The following GPRASP2 variants were observed in gnomAD, a reference collection of about 807,000 sequenced individuals.
The protein encoded by GPRASP2 is G protein-coupled receptor associated sorting protein 2.
GPRASP2 carries 10 observed loss-of-function variants against 36.0 expected under a neutral mutation model. That is an observed-to-expected ratio of 0.28 (90% confidence interval 0.17 to 0.47). The LOEUF is 0.47. Among genes scored for constraint, GPRASP2 ranks in the 20% least tolerant of loss-of-function variants. The pLI, the probability that GPRASP2 is intolerant of heterozygous loss-of-function variation, is 0.99. For synonymous variants in GPRASP2, 219 were observed against 230.5 expected (o/e 0.95, Z 0.45); for missense variants, 538 against 626.7 (o/e 0.86, Z 1.51).
At position 102,715,891 on chromosome X, in the gene GPRASP2, T is replaced by C. The variant is rs770189042; in HGVS notation, c.1022T>C (p.Leu341Ser). 6 of 1,210,228 alleles carry C rather than the reference T, an allele frequency of 5.0e-6. No individual in the cohort carries two copies. In the Admixed American group the frequency reaches 8.7e-5, roughly 18 times the overall value. The change falls in exon 5 of 5, where the codon TTG becomes TCG. Residue 341 changes from leucine (L) to serine (S), a missense_variant. By Grantham distance (145) the Leu-to-Ser change is moderately radical. This residue lies in a region of GPRASP2 where 276 missense variants were observed against 275.0 expected (regional missense o/e 1.00). Transcript: ENST00000483720. ...EDEFYKQSWV[L>S]PGEEANSRFR... ...GAGTTCTATAAGCAGTCCTGGGTTT[T>C]GCCTGGAGAAGAGGCCAATAGTAGA...
chrX:102,715,715 T>C lies in GPRASP2; in HGVS notation c.846T>C (p.Ser282=). Residue 282 remains serine (S), a synonymous_variant, in exon 5 of 5, where the codon TCT becomes TCC. Transcript: ENST00000483720. ...AAGAAGCCTATGTTGATTCCTGGTCTGGATCTGAGGATGAGGCCAGCAACC... is the reference window on the plus strand; with the variant it reads ...AAGAAGCCTATGTTGATTCCTGGTCCGGATCTGAGGATGAGGCCAGCAACC... ...SKQEAYVDSW[S]GSEDEASNPF... is the part of the protein sequence containing the mutation. The C allele has an allele frequency of 8.3e-7, 1 of 1,212,092 alleles. No homozygotes were observed. Among genetic ancestry groups the C allele is most frequent in the Non-Finnish European group, 1.1e-6 (1 of 895,621 alleles).
rs1383973927 is a variant in GPRASP2, at chrX:102,717,335, A to G, written c.2466A>G (p.Leu822=). The G allele has an allele frequency of 9.2e-7, 1 of 1,092,801 alleles. No individual in the cohort carries two copies. The highest frequency in any genetic ancestry group is 1.2e-6 in the Non-Finnish European group (1 of 837,456). The allele number at this position is 1,092,801 out of a possible 1,213,427, so 90.1% of individuals were successfully genotyped here. The part of the protein sequence containing the change: ...FREFEELAKQ[L]QAQIDNQNDP... ...AATTTGAGGAGTTAGCTAAGCAACT[A>G]CAAGCCCAAATAGACAACCAAAATG... Residue 822 remains leucine (L), a synonymous_variant, in exon 5 of 5, where the codon CTA becomes CTG. Transcript: ENST00000483720.
In GPRASP2 at chrX:102,714,897, G is replaced by T. The variant is rs369702120; in HGVS notation, c.28G>T (p.Ala10Ser). 1 of 1,210,635 alleles carries T rather than the reference G, an allele frequency of 8.3e-7. No homozygotes were observed. The highest frequency in any genetic ancestry group is 1.1e-6 in the Non-Finnish European group (1 of 895,259). The change falls in exon 5 of 5, where the codon GCC (alanine) becomes TCC (serine). Residue 10 changes from alanine (A) to serine (S), a missense_variant. Ala to Ser is a moderately conservative substitution (Grantham distance 99, BLOSUM62 1). Around this residue, in one of 2 missense-constraint regions of GPRASP2, gnomAD observed 276 missense variants for 275.0 expected, o/e 1.00. Coordinates refer to ENST00000483720, the MANE Select transcript of GPRASP2 (RefSeq NM_001004051.4). ...GACTGGGGCAGAGATTGAGCCTAGT[G>T]CCCAGGCCAAGCCTGAAAAGAAGGC... is the stretch of plus-strand genomic sequence containing the variant. MTGAEIEPSAQAKPEKKAGE... is the reference protein window; with the variant it reads MTGAEIEPSSQAKPEKKAGE...
Position 102,717,522 on chromosome X carries a change from T to A in GPRASP2, c.*136T>A. 1 of 885,518 alleles carries A rather than the reference T, an allele frequency of 1.1e-6. No individual in the cohort carries two copies. Among genetic ancestry groups the A allele is most frequent in the East Asian group, 4.1e-5 (1 of 24,217 alleles). 73.0% of individuals were successfully genotyped at this position (885,518 alleles called of 1,213,427 possible). A position where few individuals can be genotyped will look rare whatever the true frequency, so the allele number is the denominator to read the frequency against. On this transcript the variant is annotated 3_prime_UTR_variant, in exon 5 of 5. Coordinates refer to ENST00000483720, the MANE Select transcript of GPRASP2 (RefSeq NM_001004051.4). ...TGTTAACTTTGTCAAACTCTTGTTT[T>A]GAGCTGGATCATTTTGTGGATGCCA...
chrX:102,715,266 G>A lies in GPRASP2; in HGVS notation c.397G>A (p.Glu133Lys). ...KDEAQAWAQS[E>K]FGTEAVSQAE... ...TGAGGCCCAGGCATGGGCCCAGAGT[G>A]AATTTGGGACTGAAGCAGTGTCACA... Residue 133 changes from glutamate to lysine, a missense_variant, in exon 5 of 5, where the codon GAA becomes AAA. Around this residue, in one of 2 missense-constraint regions of GPRASP2, gnomAD observed 276 missense variants for 275.0 expected, o/e 1.00. Coordinates refer to ENST00000483720, the MANE Select transcript of GPRASP2 (RefSeq NM_001004051.4). The A allele has an allele frequency of 8.2e-7, 1 of 1,212,576 alleles. No homozygotes were observed. Among genetic ancestry groups the A allele is most frequent in the Admixed American group, 2.2e-5 (1 of 46,159 alleles).
rs756156084 is a variant in GPRASP2, at chrX:102,716,420, C to T, written c.1551C>T (p.Pro517=). The change falls in exon 5 of 5, where the codon CCC becomes CCT. Residue 517 remains proline, a synonymous_variant. Transcript: ENST00000483720. ...GFRSTSPFGI[P]EEASEMLEAK... is the part of the protein sequence containing the mutation. The stretch of plus-strand genomic sequence containing the variant: ...GATCCACAAGCCCCTTTGGAATTCC[C>T]GAAGAGGCTTCTGAAATGCTTGAGG... 1.4e-5 allele frequency: 17 copies of T among 1,210,551 alleles called. No homozygotes were observed. In the East Asian group the frequency reaches 2.4e-4, roughly 17 times the overall value.
At position 102,715,852 on chromosome X, in the gene GPRASP2, C is replaced by G. The variant is rs777172000; in HGVS notation, c.983C>G (p.Ser328Cys). The change falls in exon 5 of 5, where the codon TCT becomes TGT. Residue 328 changes from serine (S) to cysteine (C), a missense_variant. Coordinates refer to ENST00000483720, the MANE Select transcript of GPRASP2 (RefSeq NM_001004051.4). The part of the protein sequence containing the change: ...LRTNREDCFE[S>C]ESEDEFYKQS... ...ACAAATAGAGAAGATTGTTTTGAATCTGAGTCTGAAGATGAGTTCTATAAG... is the reference window on the plus strand; with the variant it reads ...ACAAATAGAGAAGATTGTTTTGAATGTGAGTCTGAAGATGAGTTCTATAAG... 2.0e-5 allele frequency: 24 copies of G among 1,211,768 alleles called. No individual in the cohort carries two copies. The highest frequency in any genetic ancestry group is 2.6e-5 in the Non-Finnish European group (23 of 895,555).
chrX:102,715,462 C>G lies in GPRASP2; in HGVS notation c.593C>G (p.Pro198Arg), dbSNP rs770886846. 2 of 1,210,597 alleles carry G rather than the reference C, an allele frequency of 1.7e-6. No homozygotes were observed. The highest frequency in any genetic ancestry group is 3.0e-5 in the East Asian group (1 of 33,780). Residue 198 changes from proline (P) to arginine (R), a missense_variant, in exon 5 of 5, where the codon CCA becomes CGA. Transcript: ENST00000483720. ...AAAGGAATCCAGCCCTGGTTTGGAC[C>G]AGGGGAGGAGACTAATATGGGGTCT... ...GQKGIQPWFGPGEETNMGSWC... is the reference protein window; with the variant it reads ...GQKGIQPWFGRGEETNMGSWC...
chrX:102,715,356 G>C lies in GPRASP2; in HGVS notation c.487G>C (p.Val163Leu), dbSNP rs775665773. The change falls in exon 5 of 5, where the codon GTT (valine) becomes CTT (leucine). Residue 163 changes from valine to leucine, a missense_variant. Val to Leu is a conservative substitution (Grantham distance 32). Transcript: ENST00000483720. ...WPLATAESGS[V>L]TKSKGLSMDR... is the part of the protein sequence containing the mutation. ...ACTGGCCACTGCTGAGTCTGGATCA[G>C]TTACTAAATCTAAGGGCCTGTCTAT... 12 of 1,211,312 alleles carry C rather than the reference G, an allele frequency of 9.9e-6. No individual in the cohort carries two copies. The highest frequency in any genetic ancestry group is 1.3e-5 in the Non-Finnish European group (12 of 895,509).
In GPRASP2 at chrX:102,714,927, G is replaced by A. The variant is rs2081937524; in HGVS notation, c.58G>A (p.Glu20Lys). 14 of 1,211,370 alleles carry A rather than the reference G, an allele frequency of 1.2e-5. No homozygotes were observed. Among genetic ancestry groups the A allele is most frequent in the East Asian group, 8.9e-5 (3 of 33,794 alleles). The change falls in exon 5 of 5, where the codon GAA becomes AAA. Residue 20 changes from glutamate to lysine, a missense_variant. Glu to Lys is a moderately conservative substitution (Grantham distance 56, BLOSUM62 1). Coordinates refer to ENST00000483720, the MANE Select transcript of GPRASP2 (RefSeq NM_001004051.4). ...AQAKPEKKAG[E>K]EVIAGPEREN... The stretch of plus-strand genomic sequence containing the variant: ...GGCCAAGCCTGAAAAGAAGGCTGGG[G>A]AAGAGGTTATCGCTGGGCCTGAGAG...
chrX:102,716,493 T>G lies in GPRASP2; in HGVS notation c.1624T>G (p.Ser542Ala), dbSNP rs779668170. Residue 542 changes from serine (S) to alanine (A), a missense_variant, in exon 5 of 5, where the codon TCT (serine) becomes GCT (alanine). Transcript: ENST00000483720. ...TAGCCCAGAAGGAGAAGAGCAGGAATCTTTGCTTCAGCCTGATCAGCCTAG... is the reference window on the plus strand; with the variant it reads ...TAGCCCAGAAGGAGAAGAGCAGGAAGCTTTGCTTCAGCCTGATCAGCCTAG... ...ELSPEGEEQE[S>A]LLQPDQPSPE... The G allele has an allele frequency of 8.3e-7, 1 of 1,210,451 alleles. No homozygotes were observed. The highest frequency in any genetic ancestry group is 3.0e-5 in the East Asian group (1 of 33,753).
Position 102,717,707 on chromosome X carries a change from C to A in GPRASP2, c.*321C>A. 1 of 173,436 alleles carries A rather than the reference C, an allele frequency of 5.8e-6. No homozygotes were observed. The highest frequency in any genetic ancestry group is 1.2e-5 in the Non-Finnish European group (1 of 86,627). 14.3% of individuals were successfully genotyped at this position (173,436 alleles called of 1,213,427 possible). A position where few individuals can be genotyped will look rare whatever the true frequency, so the allele number is the denominator to read the frequency against. ...GGTTCTCTATTTGAGTCTGTGTTTT[C>A]AATAAAGTTCTATGTTAAAATTGGC... On this transcript the variant is annotated 3_prime_UTR_variant, in exon 5 of 5. Coordinates refer to ENST00000483720, the MANE Select transcript of GPRASP2 (RefSeq NM_001004051.4).
Position 102,716,257 on chromosome X carries a change from T to A in GPRASP2, c.1388T>A (p.Leu463Gln), listed in dbSNP as rs765310889. The A allele has an allele frequency of 2.5e-6, 3 of 1,212,096 alleles. No homozygotes were observed. ...FWDRDEACFDLNPCPVYKVSD... is the reference protein window; with the variant it reads ...FWDRDEACFDQNPCPVYKVSD... ...GACAGAGATGAGGCCTGCTTTGACC[T>A]AAATCCCTGTCCTGTGTACAAGGTC... is the stretch of plus-strand genomic sequence containing the variant. Residue 463 changes from leucine to glutamine, a missense_variant, in exon 5 of 5, where the codon CTA becomes CAA. By Grantham distance (113) the Leu-to-Gln change is moderately radical. Transcript: ENST00000483720.
In GPRASP2 at chrX:102,714,560, C is replaced by T. The variant is rs1355943501; in HGVS notation, c.-310C>T. ...AGATCCACCTCCAGTGGCTGCTCTG[C>T]TGGTGGTGGAGTTGCTGCTGACAAC... On this transcript the variant is annotated 5_prime_UTR_variant, in exon 5 of 5. Transcript: ENST00000483720. The T allele has an allele frequency of 3.5e-5, 10 of 285,738 alleles. No homozygotes were observed. Among genetic ancestry groups the T allele is most frequent in the Non-Finnish European group, 6.1e-5 (10 of 164,622 alleles). 23.5% of individuals were successfully genotyped at this position (285,738 alleles called of 1,213,427 possible). A position where few individuals can be genotyped will look rare whatever the true frequency, so the allele number is the denominator to read the frequency against.
Position 102,715,127 on chromosome X carries a change from C to CA in GPRASP2, c.262dup (p.Thr88AsnfsTer24). ...TCCAAGTAATGGGTGGTGCAAGACC[C>CA]AAAACGGAGGCTCAAGGAATCACAG... On this transcript the variant is annotated frameshift_variant, in exon 5 of 5. Transcript: ENST00000483720. LOFTEE classifies it high-confidence loss of function. 8.2e-7 allele frequency: 1 copy of CA among 1,212,378 alleles called. No homozygotes were observed. The highest frequency in any genetic ancestry group is 1.8e-5 in the South Asian group (1 of 57,058).
At position 102,715,019 on chromosome X, in the gene GPRASP2, C is replaced by A; in HGVS notation, c.150C>A (p.Pro50=). The A allele has an allele frequency of 1.6e-6, 2 of 1,212,360 alleles. No homozygotes were observed. Among genetic ancestry groups the A allele is most frequent in the Non-Finnish European group, 2.2e-6 (2 of 895,627 alleles). ...CCCAGGCAACTACTGGGGCAAGGCC[C>A]AAAACTGAGACCAAGTCTGTGCCTG... ...VRTQATTGAR[P]KTETKSVPAA... is the part of the protein sequence containing the mutation. The change falls in exon 5 of 5, where the codon CCC becomes CCA. Residue 50 remains proline (P), a synonymous_variant. Transcript: ENST00000483720.
rs1180524047 is a variant in GPRASP2 at position 102,715,281 on chromosome X, G to A, written c.412G>A (p.Ala138Thr). ...GGCCCAGAGTGAATTTGGGACTGAA[G>A]CAGTGTCACAGGCAGAAGGAGTGTC... ...AWAQSEFGTE[A>T]VSQAEGVSQT... The change falls in exon 5 of 5, where the codon GCA becomes ACA. Residue 138 changes from alanine to threonine, a missense_variant. This residue lies in a region of GPRASP2 where 276 missense variants were observed against 275.0 expected (regional missense o/e 1.00). Transcript: ENST00000483720. 1 of 1,212,609 alleles carries A rather than the reference G, an allele frequency of 8.2e-7. No homozygotes were observed. Among genetic ancestry groups the A allele is most frequent in the South Asian group, 1.8e-5 (1 of 57,057 alleles).
chrX:102,715,679 C>G lies in GPRASP2; in HGVS notation c.810C>G (p.Pro270=), dbSNP rs766839261. ...ATCAGACTAATCCCAGGTCCAGGCC[C>G]AGATCCAAGCAAGAAGCCTATGTTG... The part of the protein sequence containing the change: ...AKHQTNPRSR[P]RSKQEAYVDS... The change falls in exon 5 of 5, where the codon CCC becomes CCG. Residue 270 remains proline (P), a synonymous_variant. Transcript: ENST00000483720. The G allele has an allele frequency of 8.3e-7, 1 of 1,210,073 alleles. No homozygotes were observed. Among genetic ancestry groups the G allele is most frequent in the African/African-American group, 1.7e-5 (1 of 57,144 alleles).
Position 102,716,403 on chromosome X carries a change from A to G in GPRASP2, c.1534A>G (p.Ser512Gly). 8.2e-7 allele frequency: 1 copy of G among 1,212,231 alleles called. No homozygotes were observed. Among genetic ancestry groups the G allele is most frequent in the Non-Finnish European group, 1.1e-6 (1 of 895,648 alleles). Residue 512 changes from serine to glycine, a missense_variant, in exon 5 of 5, where the codon AGC (serine) becomes GGC (glycine). Ser to Gly is a moderately conservative substitution (Grantham distance 56, BLOSUM62 0). This residue lies in a region of GPRASP2 where 262 missense variants were observed against 351.7 expected (regional missense o/e 0.74). Transcript: ENST00000483720. Reference sequence around the variant, plus strand: ...TCATGGGGTTGGCTTCCGATCCACAAGCCCCTTTGGAATTCCCGAAGAGGC... The same window carrying G: ...TCATGGGGTTGGCTTCCGATCCACAGGCCCCTTTGGAATTCCCGAAGAGGC... ...LFHGVGFRST[S>G]PFGIPEEASE...
Sources: allele counts gnomAD v4.1 joint callset, GRCh38; gene constraint gnomAD v4.1.1; regional missense constraint gnomAD v4.1.1; transcripts MANE v1.5; gene names NCBI Gene and HGNC (gene_info 2026-07-23, HGNC 2026-07-21).